GALNT7: variants seen among roughly 807,000 people sequenced by gnomAD.
GALNT7 encodes the protein N-acetylgalactosaminyltransferase 7.
A neutral mutation model predicts 82.1 loss-of-function variants in GALNT7; 60 were observed. That is an observed-to-expected ratio of 0.73 (90% CI 0.59 to 0.91). The LOEUF is 0.91. GALNT7 is among the 40% of genes least tolerant of loss of function. The probability of loss-of-function intolerance (pLI) is 0.00; values close to 1 mark genes in which losing one functional copy is unlikely to be tolerated. For synonymous variants in GALNT7, 243 were observed against 275.1 expected (o/e 0.88, Z 1.15); for missense variants, 660 against 804.2 (o/e 0.82, Z 2.17).
Position 173,203,358 on chromosome 4 carries a change from C to T in GALNT7, c.126+34397C>T, listed in dbSNP as rs988818523. On this transcript the variant is annotated intron_variant, in intron 1 of 11. Transcript: ENST00000265000. ...CTCCCGCCTCGGCCTCCCAAAGTGC[C>T]GGGATTACAGGCGTGAGCCACCGTG... 9.2e-5 allele frequency among the ~76,000 whole-genome samples: 14 copies of T among 152,252 alleles called. No homozygotes were observed. In the South Asian group the frequency reaches 1.0e-3, roughly 11 times the overall value.
In GALNT7 at chr4:173,295,382, A is replaced by T; in HGVS notation, c.755-14A>T. ...TTCGTCTAATTTATAATATCGATTGATTTTTCTTAACAGAACACTTAAAAG... is the reference window on the plus strand; with the variant it reads ...TTCGTCTAATTTATAATATCGATTGTTTTTTCTTAACAGAACACTTAAAAG... On this transcript the variant is annotated splice_polypyrimidine_tract_variant and intron_variant, in intron 3 of 11. Coordinates refer to ENST00000265000, the MANE Select transcript of GALNT7 (RefSeq NM_017423.3). 2 of 1,523,554 alleles carry T rather than the reference A, an allele frequency of 1.3e-6. No homozygotes were observed. Among genetic ancestry groups the T allele is most frequent in the African/African-American group, 2.7e-5 (2 of 72,912 alleles). 94.4% of individuals were successfully genotyped at this position (1,523,554 alleles called of 1,614,324 possible). A position where few individuals can be genotyped will look rare whatever the true frequency, so the allele number is the denominator to read the frequency against.
At chr4:173,213,742 CA>C (rs999344634) in intron 1 of GALNT7, among the ~76,000 whole-genome samples, 2 of 152,138 alleles carry the variant, frequency 1.3e-5, no homozygotes, top group Admixed American at 6.5e-5. Context: ...GATTAAGTCA[CA>C]AAAATACAAC....
chr4:173,294,949 A>G (rs1736666784), intron 3 of GALNT7, among the ~76,000 whole-genome samples: 1 of 152,176 alleles, frequency 6.6e-6, no homozygotes, highest in Non-Finnish European at 1.5e-5. Context: ...GATGTCCCAG[A>G]AAAAAATGTT....
chr4:173,295,082 G>A (rs1173426130), intron 3 of GALNT7, among the ~76,000 whole-genome samples: 4 of 152,138 alleles, frequency 2.6e-5, no homozygotes, highest in African/African-American at 7.2e-5. Flanking sequence ...TCCTGAAAGC[G>A]TTCAGATTTG....
chr4:173,315,574 A>G (rs1298201809), intron 9 of GALNT7, among the ~76,000 whole-genome samples: 1 of 152,200 alleles, frequency 6.6e-6, no homozygotes, highest in African/African-American at 2.4e-5. Flanking sequence ...AAACGCCAGC[A>G]TTTAGAGTTC....
intron 2 of GALNT7, among the ~76,000 whole-genome samples, chr4:173,259,161 A>C (rs1735159694): frequency 6.6e-6 from 1 of 152,196 alleles, no homozygotes; most frequent in Non-Finnish European, 1.5e-5. Flanking sequence ...GGGTTAATTG[A>C]GGTAATGTTA....
intron 2 of GALNT7, among the ~76,000 whole-genome samples, chr4:173,270,085 C>A (rs1171580277): frequency 6.6e-6 from 1 of 152,154 alleles, no homozygotes; most frequent in East Asian, 1.9e-4. Context: ...GACCCATAGC[C>A]ACTGGTTTTA....
At chr4:173,257,542 T>G (rs534581236) in intron 2 of GALNT7, among the ~76,000 whole-genome samples, 2 of 152,318 alleles carry the variant, frequency 1.3e-5, no homozygotes, top group Admixed American at 1.3e-4. Context: ...TGAGTTAAAA[T>G]TATATAAATA....
intron 1 of GALNT7, among the ~76,000 whole-genome samples, chr4:173,215,562 G>A (rs968122823): frequency 1.3e-5 from 2 of 152,026 alleles, no homozygotes; most frequent in Non-Finnish European, 2.9e-5. Context: ...CCAAGTCCTG[G>A]GGAACCCGAC....
At chr4:173,200,181 C>A (rs958534109) in intron 1 of GALNT7, among the ~76,000 whole-genome samples, 2 of 152,198 alleles carry the variant, frequency 1.3e-5, no homozygotes, top group African/African-American at 4.8e-5. Context: ...ACTTCTGTAA[C>A]AGCACTTCGG....
At chr4:173,189,945 G>A (rs1474195398) in intron 1 of GALNT7, among the ~76,000 whole-genome samples, 1 of 151,046 alleles carries the variant, frequency 6.6e-6, no homozygotes, top group Non-Finnish European at 1.5e-5. Flanking sequence ...TGAAGTTTAT[G>A]TTAATTAAAA....
chr4:173,307,248 C>T (rs1281093939), intron 8 of GALNT7, among the ~76,000 whole-genome samples: 1 of 152,228 alleles, frequency 6.6e-6, no homozygotes, highest in Non-Finnish European at 1.5e-5. Flanking sequence ...TGTAGAGTGG[C>T]TGGGGAGCTG....
chr4:173,185,414 A>AC (rs869158274), intron 1 of GALNT7, among the ~76,000 whole-genome samples: 1 of 14,958 alleles, frequency 6.7e-5, no homozygotes, highest in Non-Finnish European at 4.1e-4. Context: ...AATGAATCTC[A>AC]AAAAAAAAAA....
chr4:173,297,682 T>A (rs955701952), intron 5 of GALNT7: 1 of 491,560 alleles, frequency 2.0e-6, no homozygotes, highest in Non-Finnish European at 3.4e-6. Context: ...CCATTAGATA[T>A]TAAAGTCCCC....
intron 1 of GALNT7, among the ~76,000 whole-genome samples, chr4:173,211,866 C>G (rs1473337389): frequency 6.6e-6 from 1 of 152,198 alleles, no homozygotes; most frequent in Non-Finnish European, 1.5e-5. Context: ...TTTAGTATAT[C>G]TCTGGACATC....
rs1162777087 is a variant in GALNT7, at chr4:173,281,557, C to T, written c.588-10551C>T. On this transcript the variant is annotated intron_variant, in intron 2 of 11. Transcript: ENST00000265000. ...GAAGCATGTGGAAACGTCTGGGCTC[C>T]CTGGCTGCACCCTACAGCCAAGGGA... Among the ~76,000 whole-genome samples the T allele has an allele frequency of 3.3e-5, 5 of 152,178 alleles. No homozygotes were observed. In the East Asian group the frequency reaches 9.6e-4, roughly 29 times the overall value.
chr4:173,262,310 T>G (rs1168401764), intron 2 of GALNT7, among the ~76,000 whole-genome samples: 1 of 152,234 alleles, frequency 6.6e-6, no homozygotes, highest in Non-Finnish European at 1.5e-5. Flanking sequence ...TAGTACTGTT[T>G]CTAGTCTGTC....
intron 1 of GALNT7, among the ~76,000 whole-genome samples, chr4:173,183,848 G>A (rs1270857634): frequency 2.0e-5 from 3 of 150,772 alleles, no homozygotes; most frequent in Non-Finnish European, 2.9e-5. Context: ...CAGACGGGGC[G>A]GCTGCCGGGC....
In GALNT7 at chr4:173,302,576, C is replaced by T. The variant is rs1215632517; in HGVS notation, c.1266+412C>T. On this transcript the variant is annotated intron_variant, in intron 7 of 11. Transcript: ENST00000265000. The surrounding 1 kb of genome is among the most constrained non-coding windows in gnomAD (Gnocchi z 4.2). ...AGACAGAAGCAGAGCCCCACAATGA[C>T]TGTATCCTCAGGCTGACTTTGGCGC... 1.3e-5 allele frequency among the ~76,000 whole-genome samples: 2 copies of T among 152,250 alleles called. No individual in the cohort carries two copies. The highest frequency in any genetic ancestry group is 6.5e-5 in the Admixed American group (1 of 15,292).
Sources: allele counts gnomAD v4.1 joint callset (sites outside exome capture counted in the v4.1 genomes callset), GRCh38; gene constraint gnomAD v4.1.1; non-coding constraint Gnocchi (gnomAD v3.1); transcripts MANE v1.5; gene names NCBI Gene and HGNC (gene_info 2026-07-23, HGNC 2026-07-21).